SOCS5: variants seen among roughly 807,000 people sequenced by gnomAD.
SOCS5 encodes CIS-6.
Under a neutral mutation model 42.8 loss-of-function variants are expected in SOCS5, and 32 were observed. The observed-to-expected ratio is 0.75, with a 90% CI of 0.56 to 1.01. The LOEUF is 1.01. Among genes scored for constraint, SOCS5 ranks in the 50% least tolerant of loss-of-function variants. The probability of loss-of-function intolerance (pLI) is 0.00; values close to 1 mark genes in which losing one functional copy is unlikely to be tolerated. For synonymous variants in SOCS5, 283 were observed against 229.6 expected (o/e 1.23, Z -2.10); for missense variants, 627 against 653.0 (o/e 0.96, Z 0.43).
intron 1 of SOCS5, among the ~76,000 whole-genome samples, chr2:46,748,213 T>C (rs1411927861): frequency 6.7e-6 from 1 of 148,496 alleles, no homozygotes; most frequent in African/African-American, 2.5e-5. Context: ...TTTGACACAG[T>C]CTCACTCTGT....
chr2:46,711,382 T>C lies in SOCS5; in HGVS notation c.-13+11933T>C, dbSNP rs866279364. On this transcript the variant is annotated intron_variant, in intron 1 of 1. Coordinates refer to ENST00000394861, the MANE Select transcript of SOCS5 (RefSeq NM_144949.3). ...TGCATTTTCCTTGTGAGTATCGATG[T>C]CATGCATTTTGTCATGTGCTTATAG... Among the ~76,000 whole-genome samples the C allele has an allele frequency of 2.6e-5, 4 of 152,368 alleles. No homozygotes were observed. The South Asian group carries it at 8.3e-4, about 32-fold the overall frequency.
rs1673894579 is a variant in SOCS5, at chr2:46,762,619, T to C, written c.*2478T>C. On this transcript the variant is annotated 3_prime_UTR_variant, in exon 2 of 2. Transcript: ENST00000394861. ...TGGTTTAAATTTTTGTCTTAAAATA[T>C]TAGTGGCTTACATTTTAAAAAAGAA... 1 of 165,916 alleles carries C rather than the reference T, an allele frequency of 6.0e-6. No individual in the cohort carries two copies. Among genetic ancestry groups the C allele is most frequent in the African/African-American group, 2.4e-5 (1 of 41,434 alleles). 10.3% of individuals were successfully genotyped at this position (165,916 alleles called of 1,614,324 possible). A position where few individuals can be genotyped will look rare whatever the true frequency, so the allele number is the denominator to read the frequency against.
At chr2:46,732,281 G>A (rs1673144374) in intron 1 of SOCS5, among the ~76,000 whole-genome samples, 1 of 152,240 alleles carries the variant, frequency 6.6e-6, no homozygotes, top group Non-Finnish European at 1.5e-5. Flanking sequence ...ACCACTGGAA[G>A]GAGCTGTCAG....
rs1013533219 is a variant in SOCS5, at chr2:46,699,827, A to G, written c.-13+378A>G. 1.3e-5 allele frequency among the ~76,000 whole-genome samples: 2 copies of G among 152,000 alleles called. No individual in the cohort carries two copies. Among genetic ancestry groups the G allele is most frequent in the African/African-American group, 4.8e-5 (2 of 41,362 alleles). ...GGTCGTGGTGGGTCGCGGGGAGGCC[A>G]CCGGAGACTGAAGCAGTTACACAGG... is the stretch of plus-strand genomic sequence containing the variant. On this transcript the variant is annotated intron_variant, in intron 1 of 1. Transcript: ENST00000394861. This position sits in a 1 kb window ranked among gnomAD's most constrained non-coding sequence, Gnocchi z 4.8.
rs544174086 is a variant in SOCS5 at position 46,759,014 on chromosome 2, C to T, written c.484C>T (p.His162Tyr). ...RERRYGVSSV[H>Y]DMDSVSSRTV... is the part of the protein sequence containing the mutation. Reference sequence around the variant, plus strand: ...GAGGCGCTACGGCGTAAGTTCTGTACACGACATGGACAGTGTTTCCAGCAG... The same window carrying T: ...GAGGCGCTACGGCGTAAGTTCTGTATACGACATGGACAGTGTTTCCAGCAG... The change falls in exon 2 of 2, where the codon CAC becomes TAC. Residue 162 changes from histidine to tyrosine, a missense_variant. Physicochemically the swap from His to Tyr is moderately conservative, Grantham distance 83 (BLOSUM62 2). Coordinates refer to ENST00000394861, the MANE Select transcript of SOCS5 (RefSeq NM_144949.3). 2.0e-5 allele frequency: 32 copies of T among 1,613,980 alleles called. 1 individual carries two copies. The South Asian group carries it at 3.0e-4, about 15-fold the overall frequency.
intron 1 of SOCS5, among the ~76,000 whole-genome samples, chr2:46,736,749 C>T (rs1673260312): frequency 6.6e-6 from 1 of 152,132 alleles, no homozygotes; most frequent in Non-Finnish European, 1.5e-5. Context: ...TGTTGTGCTA[C>T]CCCTAAACAC....
chr2:46,741,410 T>C (rs1396982220), intron 1 of SOCS5, among the ~76,000 whole-genome samples: 4 of 152,172 alleles, frequency 2.6e-5, no homozygotes, highest in African/African-American at 9.7e-5. Context: ...GGCTAATTTT[T>C]GTATTTTTAC....
intron 1 of SOCS5, among the ~76,000 whole-genome samples, chr2:46,741,836 C>G (rs536134213): frequency 4.7e-4 from 71 of 152,230 alleles, no homozygotes; most frequent in Admixed American, 1.2e-3. Flanking sequence ...ATAACTAATG[C>G]TATGATGAAT....
chr2:46,710,246 A>G (rs745737332), intron 1 of SOCS5, among the ~76,000 whole-genome samples: 18 of 152,156 alleles, frequency 1.2e-4, no homozygotes, highest in Non-Finnish European at 2.2e-4. Flanking sequence ...TCCCAGGTTC[A>G]AGCAATTCTC....
intron 1 of SOCS5, among the ~76,000 whole-genome samples, chr2:46,740,954 T>G (rs1396105871): frequency 2.0e-5 from 3 of 152,168 alleles, no homozygotes; most frequent in African/African-American, 7.2e-5. Flanking sequence ...AAGAGACTCA[T>G]AAATGAGTTG....
At position 46,758,650 on chromosome 2, in the gene SOCS5, CAA is replaced by C; in HGVS notation, c.122_123del (p.Lys41ArgfsTer50). 5.0e-6 allele frequency: 8 copies of C among 1,613,944 alleles called. No individual in the cohort carries two copies. The highest frequency in any genetic ancestry group is 5.9e-6 in the Non-Finnish European group (7 of 1,179,916). On this transcript the variant is annotated frameshift_variant, in exon 2 of 2. Transcript: ENST00000394861. LOFTEE classifies it high-confidence loss of function. ...TGAACTCCAACAGATGTTTGTCTGT[CAA>C]AGAGAAAAACATCAGCATAGGAGAC... is the stretch of plus-strand genomic sequence containing the variant. ...DMNSNRCLSV[K>X]EKNISIGDST... is the part of the protein sequence containing the mutation.
rs536594143 is a variant in SOCS5, at chr2:46,715,287, G to T, written c.-13+15838G>T. On this transcript the variant is annotated intron_variant, in intron 1 of 1. Transcript: ENST00000394861. ...TCTGGAAGCTTAGGTGGGAGGTATTGCTTGAGCCTGGGCTGTCGAGGCTGC... is the reference window on the plus strand; with the variant it reads ...TCTGGAAGCTTAGGTGGGAGGTATTTCTTGAGCCTGGGCTGTCGAGGCTGC... Among the ~76,000 whole-genome samples the T allele has an allele frequency of 2.1e-4, 32 of 151,428 alleles. 1 individual carries two copies. In the South Asian group the frequency reaches 5.6e-3, roughly 27 times the overall value.
intron 1 of SOCS5, among the ~76,000 whole-genome samples, chr2:46,730,366 C>T (rs1242325491): frequency 1.3e-5 from 2 of 151,834 alleles, no homozygotes; most frequent in South Asian, 2.1e-4. Flanking sequence ...TTTGGGAGGC[C>T]GAGGCGGGCG....
chr2:46,759,784 C>T lies in SOCS5; in HGVS notation c.1254C>T (p.Ser418=). The T allele has an allele frequency of 3.1e-6, 5 of 1,614,180 alleles. No individual in the cohort carries two copies. The highest frequency in any genetic ancestry group is 4.2e-6 in the Non-Finnish European group (5 of 1,180,020). The change falls in exon 2 of 2, where the codon AGC becomes AGT. Residue 418 remains serine, a synonymous_variant. Transcript: ENST00000394861. ...AAGAGGACTACCTCTTCTCTGTGAG[C>T]TTCCGCCGCTACAACAGATCCCTGC... The part of the protein sequence containing the change: ...SAQEDYLFSV[S]FRRYNRSLHA...
chr2:46,720,537 T>C (rs78320840), intron 1 of SOCS5, among the ~76,000 whole-genome samples: 10,210 of 152,292 alleles, frequency 0.067, 364 homozygotes, highest in Middle Eastern at 0.13. Flanking sequence ...AACAGCTTGG[T>C]ATTTTTTATA....
chr2:46,744,982 A>G (rs1321106102), intron 1 of SOCS5, among the ~76,000 whole-genome samples: 5 of 151,352 alleles, frequency 3.3e-5, no homozygotes, highest in Non-Finnish European at 7.4e-5. Flanking sequence ...AAATCTGTAT[A>G]ACAAGATGTA....
At chr2:46,738,068 T>C (rs894517576) in intron 1 of SOCS5, among the ~76,000 whole-genome samples, 1 of 152,138 alleles carries the variant, frequency 6.6e-6, no homozygotes, top group Non-Finnish European at 1.5e-5. Flanking sequence ...TTGAACTTGA[T>C]GTAGATGTTA....
At chr2:46,706,276 G>A (rs1672461276) in intron 1 of SOCS5, among the ~76,000 whole-genome samples, 1 of 152,210 alleles carries the variant, frequency 6.6e-6, no homozygotes, top group Non-Finnish European at 1.5e-5. Flanking sequence ...ACTTTCCCAA[G>A]TCAGCCCATG....
At chr2:46,733,711 C>T (rs143047454) in intron 1 of SOCS5, among the ~76,000 whole-genome samples, 192 of 151,398 alleles carry the variant, frequency 1.3e-3, no homozygotes, top group Middle Eastern at 3.5e-3. Flanking sequence ...ATTTGAATAA[C>T]ATCTAAATGA....
Sources: allele counts gnomAD v4.1 joint callset (sites outside exome capture counted in the v4.1 genomes callset), GRCh38; gene constraint gnomAD v4.1.1; non-coding constraint Gnocchi (gnomAD v3.1); transcripts MANE v1.5; gene names NCBI Gene and HGNC (gene_info 2026-07-23, HGNC 2026-07-21).